NTM: variants seen among roughly 807,000 people sequenced by gnomAD.
NTM encodes the protein IgLON family member 2.
In NTM, 13 loss-of-function variants were observed where a neutral mutation model predicts 42.1. The ratio of observed to expected loss-of-function variants is 0.31; its 90% confidence interval spans 0.20 to 0.49. The LOEUF (loss-of-function observed/expected upper bound fraction) is 0.49, where lower values mean the gene tolerates loss of function less well. Among genes scored for constraint, NTM ranks in the 20% least tolerant of loss-of-function variants. The probability of loss-of-function intolerance (pLI) is 0.99; values close to 1 mark genes in which losing one functional copy is unlikely to be tolerated. For synonymous variants in NTM, 187 were observed against 179.2 expected (o/e 1.04, Z -0.35); for missense variants, 373 against 452.8 (o/e 0.82, Z 1.60).
chr11:131,718,464 T>A (rs748505675), intron 1 of NTM, among the ~76,000 whole-genome samples: 1 of 152,188 alleles, frequency 6.6e-6, no homozygotes, highest in Non-Finnish European at 1.5e-5. Context: ...CACAAGATAC[T>A]CATGCGTACC....
intron 1 of NTM, among the ~76,000 whole-genome samples, chr11:131,900,368 A>G (rs2137691465): frequency 6.6e-6 from 1 of 152,384 alleles, no homozygotes; most frequent in South Asian, 2.1e-4. Context: ...AACCACAGGA[A>G]GGATTTGGAG....
At chr11:131,610,361 A>G (rs2061368173) in intron 1 of NTM, among the ~76,000 whole-genome samples, 1 of 152,224 alleles carries the variant, frequency 6.6e-6, no homozygotes, top group Non-Finnish European at 1.5e-5. Context: ...GGAAGAAAGA[A>G]ACCCATTAAA....
chr11:131,778,578 G>A (rs921123861), intron 1 of NTM, among the ~76,000 whole-genome samples: 11 of 152,086 alleles, frequency 7.2e-5, no homozygotes, highest in African/African-American at 2.7e-4. Flanking sequence ...CAAATTACAA[G>A]TTCCTCAGAT....
chr11:132,109,741 G>A (rs559796785), intron 2 of NTM, among the ~76,000 whole-genome samples: 16 of 152,220 alleles, frequency 1.1e-4, no homozygotes, highest in Non-Finnish European at 1.8e-4. Context: ...CACACTGAGT[G>A]TGCACAGCAT....
intron 3 of NTM, among the ~76,000 whole-genome samples, chr11:132,189,550 C>T (rs2078961485): frequency 6.6e-6 from 1 of 152,078 alleles, no homozygotes; most frequent in Admixed American, 6.5e-5. Flanking sequence ...TGGACTTCTC[C>T]AAAGCATGTT....
At chr11:131,442,830 T>C (rs962485651) in intron 1 of NTM, among the ~76,000 whole-genome samples, 21 of 151,888 alleles carry the variant, frequency 1.4e-4, no homozygotes, top group African/African-American at 2.4e-4. Context: ...TATATATATA[T>C]ACACACACAG....
intron 1 of NTM, among the ~76,000 whole-genome samples, chr11:131,577,304 C>T (rs981938250): frequency 6.6e-6 from 1 of 152,138 alleles, no homozygotes; most frequent in Non-Finnish European, 1.5e-5. Flanking sequence ...GACAAGGATT[C>T]TTTGGGGCAT....
At chr11:131,949,043 G>A (rs958694299) in intron 2 of NTM, among the ~76,000 whole-genome samples, 2 of 152,170 alleles carry the variant, frequency 1.3e-5, no homozygotes, top group Non-Finnish European at 2.9e-5. Context: ...ACGTGTTTGA[G>A]TATTTGGGAT....
chr11:131,930,166 T>A (rs2058436366), intron 2 of NTM, among the ~76,000 whole-genome samples: 1 of 152,214 alleles, frequency 6.6e-6, no homozygotes, highest in Non-Finnish European at 1.5e-5. Flanking sequence ...AAGGCAATAA[T>A]AATATATAAT....
chr11:131,692,109 C>T (rs1034825614), intron 1 of NTM, among the ~76,000 whole-genome samples: 1 of 152,184 alleles, frequency 6.6e-6, no homozygotes, highest in Admixed American at 6.5e-5. Flanking sequence ...TGACACTTCG[C>T]GGTTCTTTAC....
At chr11:132,087,032 T>C (rs2059806217) in intron 2 of NTM, among the ~76,000 whole-genome samples, 1 of 152,182 alleles carries the variant, frequency 6.6e-6, no homozygotes, top group African/African-American at 2.4e-5. Flanking sequence ...TGAAGATGAA[T>C]GGCTGCTCAC....
At chr11:132,178,347 A>G (rs760155481) in intron 3 of NTM, among the ~76,000 whole-genome samples, 1 of 152,270 alleles carries the variant, frequency 6.6e-6, no homozygotes, top group Non-Finnish European at 1.5e-5. Flanking sequence ...TTACTCAACA[A>G]AATGCCATAT....
intron 6 of NTM, among the ~76,000 whole-genome samples, chr11:132,311,570 T>C (rs1591924348): frequency 6.6e-6 from 1 of 152,206 alleles, no homozygotes; most frequent in Non-Finnish European, 1.5e-5. Context: ...TCTGTTTCAC[T>C]TATGCGTTTC....
intron 2 of NTM, among the ~76,000 whole-genome samples, chr11:131,921,622 G>A (rs1160079395): frequency 2.0e-5 from 3 of 152,104 alleles, no homozygotes; most frequent in African/African-American, 7.2e-5. Context: ...TTAAATAATA[G>A]TAACAATCTT....
chr11:131,784,571 A>G (rs376238512), intron 1 of NTM, among the ~76,000 whole-genome samples: 9 of 152,194 alleles, frequency 5.9e-5, no homozygotes, highest in East Asian at 3.9e-4. Context: ...AAGAGAAAGC[A>G]AAGCCACATT....
At chr11:132,034,536 A>T (rs1009000970) in intron 2 of NTM, among the ~76,000 whole-genome samples, 1 of 152,208 alleles carries the variant, frequency 6.6e-6, no homozygotes, top group Non-Finnish European at 1.5e-5. Flanking sequence ...ATGGGTTTAC[A>T]TTCAATCCAG....
chr11:131,483,086 C>T (rs779185929), intron 1 of NTM, among the ~76,000 whole-genome samples: 1 of 152,182 alleles, frequency 6.6e-6, no homozygotes, highest in Non-Finnish European at 1.5e-5. Flanking sequence ...TTTTCCTTTG[C>T]ATGGAAACCC....
chr11:131,928,373 T>C lies in NTM; in HGVS notation c.167+16725T>C, dbSNP rs1019364894. On this transcript the variant is annotated intron_variant, in intron 2 of 8. Transcript: ENST00000683400. ...TATTTCATATTGTTAATACATTCCA[T>C]TAGCAAAAACAAGTTAAAATGCTTA... 9.2e-5 allele frequency among the ~76,000 whole-genome samples: 14 copies of C among 152,366 alleles called. No homozygotes were observed. The East Asian group carries it at 2.3e-3, about 25-fold the overall frequency.
At chr11:131,758,795 T>C (rs2083691681) in intron 1 of NTM, among the ~76,000 whole-genome samples, 1 of 152,112 alleles carries the variant, frequency 6.6e-6, no homozygotes, top group Non-Finnish European at 1.5e-5. Flanking sequence ...TTTCACCATG[T>C]TGGCCAGGCT....
Sources: allele counts gnomAD v4.1 joint callset (sites outside exome capture counted in the v4.1 genomes callset), GRCh38; gene constraint gnomAD v4.1.1; transcripts MANE v1.5; gene names NCBI Gene and HGNC (gene_info 2026-07-23, HGNC 2026-07-21).